Variants in SIRT5 observed in about 807,000 individuals in gnomAD.
SIRT5 encodes NAD-dependent protein deacylase sirtuin-5, mitochondrial.
In SIRT5, 26 loss-of-function variants were observed where a neutral mutation model predicts 40.0. That is an observed-to-expected ratio of 0.65 (90% confidence interval 0.48 to 0.90). The LOEUF is 0.90. Among genes scored for constraint, SIRT5 ranks in the 40% least tolerant of loss-of-function variants. The pLI is 0.00. For synonymous variants in SIRT5, 146 were observed against 149.1 expected, an observed-to-expected ratio of 0.98 and a Z score of 0.15; for missense variants, 401 against 402.4, an observed-to-expected ratio of 1.00 and a Z score of 0.03.
At chr6:13,575,572 A>G (rs956769810) in intron 1 of SIRT5, among the ~76,000 whole-genome samples, 1 of 152,032 alleles carries the variant, frequency 6.6e-6, no homozygotes, top group Non-Finnish European at 1.5e-5. Flanking sequence ...AAATTTATAT[A>G]TTTATAGCGT....
chr6:13,590,827 T>G (rs376553960), intron 4 of SIRT5, among the ~76,000 whole-genome samples: 2 of 150,144 alleles, frequency 1.3e-5, no homozygotes, highest in Admixed American at 6.6e-5. Flanking sequence ...GTGTGTGTGT[T>G]TAGCTGTGTG....
chr6:13,583,270 CT>C (rs986046607), intron 2 of SIRT5, among the ~76,000 whole-genome samples: 1 of 137,372 alleles, frequency 7.3e-6, no homozygotes. Flanking sequence ...TTCATACCTT[CT>C]TTTTTTTCTT....
intron 4 of SIRT5, among the ~76,000 whole-genome samples, chr6:13,590,571 G>A (rs755912936): frequency 2.0e-5 from 3 of 151,732 alleles, no homozygotes; most frequent in Non-Finnish European, 4.4e-5. Flanking sequence ...ATGTTTAGTT[G>A]TGTGTGTATT....
rs1235553247 is a variant in SIRT5, at chr6:13,615,125, G to A, written c.*3260G>A. 8 of 489,700 alleles carry A rather than the reference G, an allele frequency of 1.6e-5. 1 individual carries two copies. The East Asian group carries it at 2.7e-4, about 16-fold the overall frequency. 30.3% of individuals were successfully genotyped at this position (489,700 alleles called of 1,614,324 possible). On this transcript the variant is annotated 3_prime_UTR_variant, in exon 10 of 10. Transcript: ENST00000606117. ...CTTGAAATCAACCCCATTGCCAGCC[G>A]CTTTCGCCGGCAGAGCATTTTCCGT...
chr6:13,601,645 G>T (rs1762405205), intron 9 of SIRT5, among the ~76,000 whole-genome samples: 1 of 151,914 alleles, frequency 6.6e-6, no homozygotes. Context: ...GAACCATCTT[G>T]TCATTACTTT....
chr6:13,582,519 C>G (rs926946764), intron 2 of SIRT5, among the ~76,000 whole-genome samples: 1 of 149,420 alleles, frequency 6.7e-6, no homozygotes, highest in African/African-American at 2.5e-5. Flanking sequence ...AAAATTAACC[C>G]TTTGTTAGTA....
chr6:13,594,736 C>T (rs945517480), intron 5 of SIRT5, among the ~76,000 whole-genome samples: 3 of 152,198 alleles, frequency 2.0e-5, no homozygotes, highest in South Asian at 2.1e-4. Flanking sequence ...GTGGGCAGGA[C>T]GGAGCAGCGC....
In SIRT5 at chr6:13,599,034, G is replaced by C. The variant is rs1043781278; in HGVS notation, c.620G>C (p.Cys207Ser). Reference protein sequence around the residue: ...ASIPVEKLPRCEEAGCGGLLR... With the variant: ...ASIPVEKLPRSEEAGCGGLLR... ...GCTTAAGGATCCCATTCTTCCAGGTGTGAAGAGGCAGGCTGCGGGGGCTTG... is the reference window on the plus strand; with the variant it reads ...GCTTAAGGATCCCATTCTTCCAGGTCTGAAGAGGCAGGCTGCGGGGGCTTG... The change falls in exon 8 of 10, where the codon TGT (cysteine) becomes TCT (serine). Residue 207 changes from cysteine (C) to serine (S), a missense_variant and splice_region_variant. By Grantham distance (112) the Cys-to-Ser change is moderately radical. Coordinates refer to ENST00000606117, the MANE Select transcript of SIRT5 (RefSeq NM_012241.5). The C allele has an allele frequency of 6.2e-7, 1 of 1,613,808 alleles. No individual in the cohort carries two copies. The highest frequency in any genetic ancestry group is 1.3e-5 in the African/African-American group (1 of 74,890).
At chr6:13,596,871 C>T in intron 6 of SIRT5, 92 bp from the exon 7 acceptor site, 1 of 1,025,466 alleles carries the variant, frequency 9.8e-7, no homozygotes, top group Non-Finnish European at 1.4e-6. Context: ...ATACCACATA[C>T]TGCCAGGCAA....
Position 13,595,554 on chromosome 6 carries a change from T to C in SIRT5, c.553T>C (p.Ser185Pro). 1 of 1,612,670 alleles carries C rather than the reference T, an allele frequency of 6.2e-7. No homozygotes were observed. The highest frequency in any genetic ancestry group is 8.5e-7 in the Non-Finnish European group (1 of 1,178,658). ...NYKSPICPAL[S>P]GKGAPEPGTQ... ...CAAGAGTCCAATTTGTCCAGCTTTA[T>C]CAGGAAAAGGGTAATTATACCACAC... The change falls in exon 6 of 10, where the codon TCA becomes CCA. Residue 185 changes from serine to proline, a missense_variant. By Grantham distance (74) the Ser-to-Pro change is moderately conservative. Transcript: ENST00000606117.
chr6:13,599,383 T>C (rs148347280), intron 8 of SIRT5, among the ~76,000 whole-genome samples: 2 of 152,196 alleles, frequency 1.3e-5, no homozygotes, highest in Non-Finnish European at 2.9e-5. Flanking sequence ...AAACCATGCA[T>C]GTCTTGGGCA....
chr6:13,577,471 C>T (rs1328150016), intron 1 of SIRT5, among the ~76,000 whole-genome samples: 1 of 151,704 alleles, frequency 6.6e-6, no homozygotes, highest in Non-Finnish European at 1.5e-5. Context: ...AGAAACACCA[C>T]TGATTTTTAT....
chr6:13,589,827 G>A (rs528132182), intron 4 of SIRT5, among the ~76,000 whole-genome samples: 10 of 152,290 alleles, frequency 6.6e-5, no homozygotes, highest in African/African-American at 1.9e-4. Flanking sequence ...CTCGGAGGAG[G>A]GGCGCTTAGT....
intron 6 of SIRT5, 93 bp from the exon 7 acceptor site, chr6:13,596,870 A>G (rs1396753464): frequency 1.0e-6 from 1 of 1,001,066 alleles, no homozygotes; most frequent in Non-Finnish European, 1.5e-6. Context: ...TATACCACAT[A>G]CTGCCAGGCA....
chr6:13,575,621 G>A (rs552342410), intron 1 of SIRT5, among the ~76,000 whole-genome samples: 1 of 152,026 alleles, frequency 6.6e-6, no homozygotes, highest in Non-Finnish European at 1.5e-5. Context: ...ATTGTAGAAA[G>A]ATTAAATCAA....
chr6:13,605,458 G>A, intron 9 of SIRT5: 11 of 985,280 alleles, frequency 1.1e-5, no homozygotes, highest in Non-Finnish European at 1.3e-5. Context: ...GATTTTCTTT[G>A]TTACCTAAAT....
At chr6:13,605,569 C>T in intron 9 of SIRT5, 1 of 985,460 alleles carries the variant, frequency 1.0e-6, no homozygotes, top group Non-Finnish European at 1.2e-6. Context: ...CAGTTCTAAT[C>T]TAGTGACAAA....
Position 13,574,693 on chromosome 6 carries a change from T to A in SIRT5, c.-246T>A, listed in dbSNP as rs1758347457. The A allele has an allele frequency of 6.6e-6, 1 of 151,954 alleles. No individual in the cohort carries two copies. The highest frequency in any genetic ancestry group is 1.5e-5 in the Non-Finnish European group (1 of 68,050). The allele number at this position is 151,954 out of a possible 1,614,324, so 9.4% of individuals were successfully genotyped here. On this transcript the variant is annotated 5_prime_UTR_variant, in exon 1 of 10. Coordinates refer to ENST00000606117, the MANE Select transcript of SIRT5 (RefSeq NM_012241.5). ...CTCTAGGAGAAAGCCTGGAAGGCGC[T>A]CCGGGGGTACCCAGAGCTCTTAGCG...
chr6:13,583,289 CTTTTTTT>C (rs765557886), intron 2 of SIRT5, among the ~76,000 whole-genome samples: 23 of 100,508 alleles, frequency 2.3e-4, no homozygotes, highest in Admixed American at 5.1e-4. Context: ...CTTCTTTGTT[CTTTTTTT>C]TTTTTTTTTT....
Sources: allele counts gnomAD v4.1 joint callset (sites outside exome capture counted in the v4.1 genomes callset), GRCh38; gene constraint gnomAD v4.1.1; transcripts MANE v1.5; gene names NCBI Gene and HGNC (gene_info 2026-07-23, HGNC 2026-07-21).